ST6GALNAC2: variants seen among roughly 807,000 people sequenced by gnomAD.
ST6GALNAC2 encodes the protein ST6 N-acetylgalactosaminide alpha-2,6-sialyltransferase 2.
Under a neutral mutation model 38.7 loss-of-function variants are expected in ST6GALNAC2, and 42 were observed. That is an observed-to-expected ratio of 1.09 (90% CI 0.85 to 1.40). The LOEUF (loss-of-function observed/expected upper bound fraction) is 1.40, where lower values mean the gene tolerates loss of function less well. Ranked by LOEUF, ST6GALNAC2 falls within the 40% of genes most tolerant of loss-of-function variation. The probability of loss-of-function intolerance (pLI) is 0.00; values close to 1 mark genes in which losing one functional copy is unlikely to be tolerated. For synonymous variants in ST6GALNAC2, 233 were observed against 209.0 expected (o/e 1.11, Z -0.99); for missense variants, 506 against 481.7 (o/e 1.05, Z -0.47).
In ST6GALNAC2 at chr17:76,573,726, G is replaced by C. The variant is rs758317210; in HGVS notation, c.362-363C>G. Reference sequence around the variant, plus strand: ...GTGAATCACTTGAGGCCAGGAGTTCGAGACCAGCCTGGGCAACATGGTGAA... The same window carrying C: ...GTGAATCACTTGAGGCCAGGAGTTCCAGACCAGCCTGGGCAACATGGTGAA... On this transcript the variant is annotated intron_variant, in intron 3 of 8. Coordinates refer to ENST00000225276, the MANE Select transcript of ST6GALNAC2 (RefSeq NM_006456.3). The surrounding 1 kb of genome is among the most constrained non-coding windows in gnomAD (Gnocchi z 5.1). 5.9e-5 allele frequency among the ~76,000 whole-genome samples: 9 copies of C among 152,146 alleles called. No homozygotes were observed. The highest frequency in any genetic ancestry group is 1.2e-4 in the Non-Finnish European group (8 of 68,026).
chr17:76,581,600 A>G (rs2075476300), intron 1 of ST6GALNAC2, among the ~76,000 whole-genome samples: 1 of 152,006 alleles, frequency 6.6e-6, no homozygotes, highest in Admixed American at 6.6e-5. Context: ...GCTGCCCTGA[A>G]CTACCCACCC....
chr17:76,575,520 A>G (rs867728022), intron 2 of ST6GALNAC2, among the ~76,000 whole-genome samples: 4 of 152,368 alleles, frequency 2.6e-5, no homozygotes, highest in Admixed American at 6.5e-5. Flanking sequence ...TGGAGCCGCC[A>G]GAGCTGGGAA....
chr17:76,569,073 C>A, intron 6 of ST6GALNAC2: 1 of 57,492 alleles, frequency 1.7e-5, no homozygotes, highest in Non-Finnish European at 2.9e-5. Context: ...GGCAGTTAAA[C>A]TGGGGGTGGT....
At chr17:76,581,509 G>A (rs981089944) in intron 1 of ST6GALNAC2, among the ~76,000 whole-genome samples, 7 of 152,096 alleles carry the variant, frequency 4.6e-5, no homozygotes, top group Non-Finnish European at 8.8e-5. Context: ...GAGGAGCTGC[G>A]GGACAGGGCA....
At chr17:76,566,317 G>T in intron 8 of ST6GALNAC2, 46 bp from the exon 9 acceptor site, 1 of 1,593,954 alleles carries the variant, frequency 6.3e-7, no homozygotes, top group Non-Finnish European at 8.6e-7. Context: ...AGCGTCTAGT[G>T]TGTACAGACA....
At chr17:76,577,537 CT>C in intron 2 of ST6GALNAC2, among the ~76,000 whole-genome samples, 1 of 151,006 alleles carries the variant, frequency 6.6e-6, no homozygotes, top group Non-Finnish European at 1.5e-5. Flanking sequence ...CAAGGCCTCT[CT>C]TCAGCCTGCC....
chr17:76,568,497 A>G (rs1567926512), intron 7 of ST6GALNAC2: 5 of 594,798 alleles, frequency 8.4e-6, no homozygotes, highest in Non-Finnish European at 9.0e-6. Flanking sequence ...TTTCCTGTCC[A>G]TTTCCTGGTG....
intron 5 of ST6GALNAC2, among the ~76,000 whole-genome samples, chr17:76,572,169 C>A (rs930704479): frequency 1.2e-4 from 18 of 152,020 alleles, no homozygotes; most frequent in Admixed American, 5.9e-4. Context: ...CTGTGGTGAC[C>A]GTGTGTGTGC....
chr17:76,567,498 A>G lies in ST6GALNAC2; in HGVS notation c.912T>C (p.Ser304=). The change falls in exon 8 of 9, where the codon AGT becomes AGC. Residue 304 remains serine, a synonymous_variant. Coordinates refer to ENST00000225276, the MANE Select transcript of ST6GALNAC2 (RefSeq NM_006456.3). ...NTHFGDLYMP[S]TGALMLLTAL... ...CTGTCAGCAGCATGAGAGCCCCGGT[A>G]CTAGGCATATATAGGTCTCCAAAAT... is the stretch of plus-strand genomic sequence containing the variant. 1.2e-6 allele frequency: 2 copies of G among 1,614,062 alleles called. No individual in the cohort carries two copies. Among genetic ancestry groups the G allele is most frequent in the Non-Finnish European group, 1.7e-6 (2 of 1,180,004 alleles).
At chr17:76,574,777 C>T (rs564892401) in intron 2 of ST6GALNAC2, among the ~76,000 whole-genome samples, 42 of 152,104 alleles carry the variant, frequency 2.8e-4, no homozygotes, top group Non-Finnish European at 5.0e-4. Flanking sequence ...CCCGGGTTCA[C>T]GCCATTCTCC....
rs1222502221 is a variant in ST6GALNAC2 at position 76,565,604 on chromosome 17, A to G, written c.*500T>C. 6.6e-6 allele frequency: 1 copy of G among 152,054 alleles called. No homozygotes were observed. The allele number at this position is 152,054 out of a possible 1,614,324, so 9.4% of individuals were successfully genotyped here. A position where few individuals can be genotyped will look rare whatever the true frequency, so the allele number is the denominator to read the frequency against. On this transcript the variant is annotated 3_prime_UTR_variant, in exon 9 of 9. Transcript: ENST00000225276. ...AAAAAAAATGGTCCATCATGTACGC[A>G]GTTATCTAGTCTTAAGTTATATTCT... is the stretch of plus-strand genomic sequence containing the variant.
intron 2 of ST6GALNAC2, among the ~76,000 whole-genome samples, 193 bp from the exon 3 acceptor site, chr17:76,574,732 A>G (rs2075395670): frequency 6.6e-6 from 1 of 150,730 alleles, no homozygotes; most frequent in African/African-American, 2.4e-5. Context: ...GCTGGAGTGC[A>G]GTGGCCCCAT....
intron 8 of ST6GALNAC2, 50 bp from the exon 9 acceptor site, chr17:76,566,321 A>G: frequency 6.3e-7 from 1 of 1,577,934 alleles, no homozygotes; most frequent in South Asian, 1.1e-5. Flanking sequence ...TCTAGTGTGT[A>G]CAGACACTTG....
At position 76,573,461 on chromosome 17, in the gene ST6GALNAC2, C is replaced by G; in HGVS notation, c.362-98G>C. ...TTCTGGTGCCCCATCTCCCCTGAGG[C>G]CTGACCCTAGCCCCTCCCAAGAAGC... On this transcript the variant is annotated intron_variant, in intron 3 of 8. Coordinates refer to ENST00000225276, the MANE Select transcript of ST6GALNAC2 (RefSeq NM_006456.3). This position sits in a 1 kb window ranked among gnomAD's most constrained non-coding sequence, Gnocchi z 5.1. 1 of 1,230,008 alleles carries G rather than the reference C, an allele frequency of 8.1e-7. No individual in the cohort carries two copies. Among genetic ancestry groups the G allele is most frequent in the Admixed American group, 3.1e-5 (1 of 32,156 alleles). The allele number at this position is 1,230,008 out of a possible 1,614,324, so 76.2% of individuals were successfully genotyped here.
intron 8 of ST6GALNAC2, 52 bp from the exon 9 acceptor site, chr17:76,566,323 A>G: frequency 6.3e-7 from 1 of 1,591,082 alleles, no homozygotes; most frequent in South Asian, 1.1e-5. Context: ...TAGTGTGTAC[A>G]GACACTTGGG....
Position 76,573,290 on chromosome 17 carries a change from A to AG in ST6GALNAC2, c.434dup (p.Pro146SerfsTer28). 1 of 1,607,240 alleles carries AG rather than the reference A, an allele frequency of 6.2e-7. No individual in the cohort carries two copies. Among genetic ancestry groups the AG allele is most frequent in the Non-Finnish European group, 8.5e-7 (1 of 1,176,836 alleles). Reference sequence around the variant, plus strand: ...CCACGGCACACCGGATACACTTTGGAGGGGTGTCCCTGGGCGGGGCAAACA... The same window carrying AG: ...CCACGGCACACCGGATACACTTTGGAGGGGGTGTCCCTGGGCGGGGCAAACA... On this transcript the variant is annotated frameshift_variant, in exon 4 of 9. Transcript: ENST00000225276. LOFTEE classifies it high-confidence loss of function. The surrounding 1 kb of genome is among the most constrained non-coding windows in gnomAD (Gnocchi z 5.1).
At chr17:76,576,282 C>T (rs934951053) in intron 2 of ST6GALNAC2, among the ~76,000 whole-genome samples, 1 of 152,088 alleles carries the variant, frequency 6.6e-6, no homozygotes, top group Admixed American at 6.6e-5. Flanking sequence ...CGAAAAACCA[C>T]GGGCCTATGA....
intron 2 of ST6GALNAC2, 34 bp downstream of exon 2, chr17:76,578,722 C>T: frequency 6.3e-7 from 1 of 1,598,742 alleles, no homozygotes; most frequent in South Asian, 1.1e-5. Context: ...TTTGAGGGTG[C>T]TCAAAACTGC....
rs1452444104 is a variant in ST6GALNAC2 at position 76,568,797 on chromosome 17, C to G, written c.774-1G>C. 11 of 1,612,900 alleles carry G rather than the reference C, an allele frequency of 6.8e-6. No individual in the cohort carries two copies. Among genetic ancestry groups the G allele is most frequent in the Non-Finnish European group, 7.6e-6 (9 of 1,179,930 alleles). On this transcript the variant is annotated splice_acceptor_variant, in intron 6 of 8. Transcript: ENST00000225276. LOFTEE classifies it high-confidence loss of function. ...TTCTGGTCCAAAATAGGCGTGCGGC[C>G]TAGGACCCATGATAGAAGTGGACAG... is the stretch of plus-strand genomic sequence containing the variant.
Sources: gnomAD v4.1 joint callset for allele counts (sites outside exome capture counted in the v4.1 genomes callset) on GRCh38, gnomAD v4.1.1 for gene constraint, Gnocchi (gnomAD v3.1) non-coding constraint, MANE v1.5 for transcripts, NCBI Gene and HGNC (gene_info 2026-07-23, HGNC 2026-07-21) for gene names.